The following SEPTIN11 variants were observed in gnomAD, a reference collection of about 807,000 sequenced individuals.
SEPTIN11 encodes the protein septin 11, also known as septin-11.
A neutral mutation model predicts 51.4 loss-of-function variants in SEPTIN11; 25 were observed. The observed-to-expected ratio is 0.49, with a 90% CI of 0.35 to 0.68. SEPTIN11 has a LOEUF of 0.68. Ranked by LOEUF, SEPTIN11 falls within the 30% of genes least tolerant of loss-of-function variation. The pLI, the probability that SEPTIN11 is intolerant of heterozygous loss-of-function variation, is 0.00. For synonymous variants in SEPTIN11, 174 were observed against 184.1 expected, an observed-to-expected ratio of 0.95 and a Z score of 0.44; for missense variants, 381 against 520.8, an observed-to-expected ratio of 0.73 and a Z score of 2.61.
Position 76,949,777 on chromosome 4 carries a change from G to T in SEPTIN11, c.-127G>T, listed in dbSNP as rs1721227835. 2.0e-6 allele frequency: 2 copies of T among 1,019,662 alleles called. No individual in the cohort carries two copies. Among genetic ancestry groups the T allele is most frequent in the Non-Finnish European group, 2.8e-6 (2 of 722,414 alleles). The allele number at this position is 1,019,662 out of a possible 1,614,324, so 63.2% of individuals were successfully genotyped here. The stretch of plus-strand genomic sequence containing the variant: ...GAGCAGATGCCGCTGGCTGCCAGCG[G>T]GACGCCGGCGAGCAGAGCGCAGCCG... On this transcript the variant is annotated 5_prime_UTR_variant, in exon 1 of 10. Coordinates refer to ENST00000264893, the MANE Select transcript of SEPTIN11 (RefSeq NM_018243.4).
intron 1 of SEPTIN11, among the ~76,000 whole-genome samples, chr4:76,971,589 A>T (rs577158057): frequency 6.8e-5 from 10 of 146,520 alleles, no homozygotes; most frequent in South Asian, 2.4e-4. Context: ...GATTTAGATT[A>T]AGATTAGATT....
chr4:76,979,633 C>T (rs958083375), intron 1 of SEPTIN11, among the ~76,000 whole-genome samples: 1 of 152,052 alleles, frequency 6.6e-6, no homozygotes, highest in African/African-American at 2.4e-5. Flanking sequence ...TCTGTAATCC[C>T]AGCACTTTGG....
At chr4:77,016,615 C>CATATATATATAT (rs370267588) in intron 5 of SEPTIN11, among the ~76,000 whole-genome samples, 24 of 79,224 alleles carry the variant, frequency 3.0e-4, no homozygotes, top group African/African-American at 1.1e-3. Flanking sequence ...TATATATACA[C>CATATATATATAT]ATATATATAT....
intron 1 of SEPTIN11, among the ~76,000 whole-genome samples, chr4:76,966,422 T>C (rs1722036435): frequency 6.6e-6 from 1 of 151,830 alleles, no homozygotes. Flanking sequence ...TAGGCAAATA[T>C]AGCAACTATT....
At chr4:76,979,536 G>A (rs886661394) in intron 1 of SEPTIN11, among the ~76,000 whole-genome samples, 3 of 152,232 alleles carry the variant, frequency 2.0e-5, no homozygotes, top group South Asian at 4.1e-4. Flanking sequence ...GTAAAATGGA[G>A]CCAATAGTAT....
intron 7 of SEPTIN11, among the ~76,000 whole-genome samples, chr4:77,025,816 C>T (rs1012241285): frequency 3.9e-5 from 6 of 152,112 alleles, no homozygotes; most frequent in African/African-American, 1.4e-4. Flanking sequence ...TGTCAGAGTT[C>T]AAAAGCTGGC....
chr4:76,982,635 T>C (rs1213862223), intron 1 of SEPTIN11, among the ~76,000 whole-genome samples: 7 of 152,246 alleles, frequency 4.6e-5, no homozygotes, highest in Non-Finnish European at 8.8e-5. Context: ...GTATATTTCA[T>C]CATGAAACAT....
At chr4:77,023,935 G>A (rs575649373) in intron 7 of SEPTIN11, among the ~76,000 whole-genome samples, 1 of 152,266 alleles carries the variant, frequency 6.6e-6, no homozygotes, top group Admixed American at 6.5e-5. Flanking sequence ...TAAATCAAGG[G>A]CTTAAGGTTT....
intron 1 of SEPTIN11, among the ~76,000 whole-genome samples, chr4:76,995,387 T>TAAATAATAAAAATAA (rs1560717205): frequency 6.7e-6 from 1 of 148,830 alleles, no homozygotes; most frequent in African/African-American, 2.5e-5. Flanking sequence ...TCTCAAAAAA[T>TAAATAATAAAAATAA]AAATAATAAA....
chr4:77,038,505 T>C lies in SEPTIN11; in HGVS notation c.*3993T>C. On this transcript the variant is annotated 3_prime_UTR_variant, in exon 10 of 10. Coordinates refer to ENST00000264893, the MANE Select transcript of SEPTIN11 (RefSeq NM_018243.4). ...TGAAAGTGATCACTTAGCAACATGC[T>C]TGGTAATTTGGCATCTGTTAAGGTA... 1.0e-6 allele frequency: 1 copy of C among 985,980 alleles called. No homozygotes were observed. Among genetic ancestry groups the C allele is most frequent in the Non-Finnish European group, 1.2e-6 (1 of 830,004 alleles). 61.1% of individuals were successfully genotyped at this position (985,980 alleles called of 1,614,324 possible).
rs977679890 is a variant in SEPTIN11 at position 76,995,813 on chromosome 4, G to C, written c.28-612G>C. 8 of 1,532,910 alleles carry C rather than the reference G, an allele frequency of 5.2e-6. No individual in the cohort carries two copies. In the Admixed American group the frequency reaches 5.9e-5, roughly 11 times the overall value. The allele number at this position is 1,532,910 out of a possible 1,614,324, so 95.0% of individuals were successfully genotyped here. On this transcript the variant is annotated intron_variant, in intron 1 of 9. Coordinates refer to ENST00000264893, the MANE Select transcript of SEPTIN11 (RefSeq NM_018243.4). ...CGGTAAACTCTGCAAAACTCCAGCA[G>C]TTACAGAGCCTGTGCTAGGAGCTAC...
intron 5 of SEPTIN11, among the ~76,000 whole-genome samples, chr4:77,018,566 A>G (rs909435710): frequency 8.5e-5 from 13 of 152,198 alleles, no homozygotes; most frequent in African/African-American, 2.9e-4. Context: ...CTGTATTTAC[A>G]TTTTGTAAAA....
At position 77,032,252 on chromosome 4, in the gene SEPTIN11, A is replaced by G. The variant is rs562159384; in HGVS notation, c.1274+1282A>G. The G allele has an allele frequency of 3.3e-5, 5 of 152,384 alleles. No homozygotes were observed. The South Asian group carries it at 1.0e-3, about 32-fold the overall frequency. 9.4% of individuals were successfully genotyped at this position (152,384 alleles called of 1,614,324 possible). A position where few individuals can be genotyped will look rare whatever the true frequency, so the allele number is the denominator to read the frequency against. ...ATCACCAGAGCAAGGGAGGAGGCAA[A>G]TGTTCTGAACAATAATTGAAATGGT... On this transcript the variant is annotated intron_variant, in intron 9 of 9. Transcript: ENST00000264893.
At chr4:77,021,120 C>T (rs1470335307) in intron 7 of SEPTIN11, 3 of 154,032 alleles carry the variant, frequency 1.9e-5, no homozygotes, top group African/African-American at 7.2e-5. Flanking sequence ...CTTCCTTTGT[C>T]AAGCACTTTT....
intron 5 of SEPTIN11, among the ~76,000 whole-genome samples, chr4:77,015,694 A>C (rs1008961030): frequency 1.3e-5 from 2 of 152,202 alleles, no homozygotes; most frequent in African/African-American, 4.8e-5. Flanking sequence ...CATCCATGAA[A>C]GCCACATGCT....
At chr4:77,017,334 A>G (rs1019027021) in intron 5 of SEPTIN11, among the ~76,000 whole-genome samples, 5 of 152,216 alleles carry the variant, frequency 3.3e-5, no homozygotes, top group African/African-American at 9.6e-5. Context: ...ATTTTCTTTT[A>G]GGCTCTTCAT....
chr4:76,958,704 G>A (rs879478724), intron 1 of SEPTIN11, among the ~76,000 whole-genome samples: 7 of 152,086 alleles, frequency 4.6e-5, no homozygotes, highest in Non-Finnish European at 2.9e-5. Context: ...TTTGTAAGAC[G>A]CGGTTTTTGT....
At chr4:76,978,387 C>G (rs1578135598) in intron 1 of SEPTIN11, among the ~76,000 whole-genome samples, 1 of 152,294 alleles carries the variant, frequency 6.6e-6, no homozygotes, top group Admixed American at 6.5e-5. Context: ...TTGGTGACTT[C>G]TGTAGTGTGA....
At chr4:77,020,336 T>C (rs891070092) in intron 6 of SEPTIN11, among the ~76,000 whole-genome samples, 166 bp from the exon 7 acceptor site, 8 of 152,236 alleles carry the variant, frequency 5.3e-5, no homozygotes, top group Non-Finnish European at 1.0e-4. Flanking sequence ...TCAGAAATCT[T>C]GTCTTCGTCA....
Sources: allele counts gnomAD v4.1 joint callset (sites outside exome capture counted in the v4.1 genomes callset), GRCh38; gene constraint gnomAD v4.1.1; transcripts MANE v1.5; gene names NCBI Gene and HGNC (gene_info 2026-07-23, HGNC 2026-07-21).